AGBL1: variants seen among roughly 807,000 people sequenced by gnomAD.
AGBL1 encodes cytosolic carboxypeptidase 4.
A neutral mutation model predicts 118.9 loss-of-function variants in AGBL1; 130 were observed. That is an observed-to-expected ratio of 1.09 (90% CI 0.95 to 1.26). The LOEUF is 1.26. AGBL1 is among the 50% of genes most tolerant of loss of function. The probability of loss-of-function intolerance (pLI) is 0.00; values close to 1 mark genes in which losing one functional copy is unlikely to be tolerated. For synonymous variants in AGBL1, 555 were observed against 478.9 expected (o/e 1.16, Z -2.08); for missense variants, 1,584 against 1,298.1 (o/e 1.22, Z -3.38).
chr15:86,138,724 CT>C (rs1225128844), intron 1 of AGBL1, among the ~76,000 whole-genome samples: 8 of 151,760 alleles, frequency 5.3e-5, no homozygotes, highest in African/African-American at 1.9e-4. Context: ...TCTTATTTTC[CT>C]TTTCCTTGCT....
chr15:86,445,144 T>A (rs1002596416), intron 18 of AGBL1, among the ~76,000 whole-genome samples: 1 of 152,034 alleles, frequency 6.6e-6, no homozygotes, highest in African/African-American at 2.4e-5. Context: ...CAGACAGGGG[T>A]CAAGAACAAT....
At chr15:86,221,196 C>A (rs77662151) in intron 5 of AGBL1, among the ~76,000 whole-genome samples, 5,070 of 149,500 alleles carry the variant, frequency 0.034, 123 homozygotes, top group South Asian at 0.084. Context: ...AAAACTCCAT[C>A]AAAAAAAAAT....
intron 17 of AGBL1, among the ~76,000 whole-genome samples, chr15:86,393,903 C>G (rs903444909): frequency 6.6e-6 from 1 of 152,010 alleles, no homozygotes; most frequent in Non-Finnish European, 1.5e-5. Context: ...AAGAGGCTTG[C>G]GGGAACTCAG....
chr15:86,523,811 A>T (rs1849062343), intron 19 of AGBL1, among the ~76,000 whole-genome samples: 1 of 152,168 alleles, frequency 6.6e-6, no homozygotes, highest in Non-Finnish European at 1.5e-5. Flanking sequence ...ACTATTTGAA[A>T]CCAGAGGACT....
At chr15:86,733,953 ACTC>A (rs746900837) in intron 22 of AGBL1, among the ~76,000 whole-genome samples, 33 of 151,998 alleles carry the variant, frequency 2.2e-4, no homozygotes, top group Non-Finnish European at 4.6e-4. Flanking sequence ...CTGTAAGTAA[ACTC>A]CTCCTCCCTT....
intron 22 of AGBL1, among the ~76,000 whole-genome samples, chr15:86,862,300 C>T (rs1173266877): frequency 6.6e-6 from 1 of 152,272 alleles, no homozygotes; most frequent in Admixed American, 6.5e-5. Flanking sequence ...AACAAAACTA[C>T]AAGATTAGTA....
intron 21 of AGBL1, among the ~76,000 whole-genome samples, chr15:86,662,818 A>G (rs2085568393): frequency 6.6e-6 from 1 of 152,168 alleles, no homozygotes; most frequent in African/African-American, 2.4e-5. Flanking sequence ...TTACCTAACA[A>G]AAACTACTAG....
intron 6 of AGBL1, among the ~76,000 whole-genome samples, chr15:86,237,882 T>A (rs556758543): frequency 6.6e-6 from 1 of 152,316 alleles, no homozygotes; most frequent in South Asian, 2.1e-4. Flanking sequence ...TTTCCCGTCA[T>A]CTGCTACTAC....
intron 18 of AGBL1, among the ~76,000 whole-genome samples, chr15:86,423,246 G>T (rs2081817053): frequency 6.6e-6 from 1 of 152,210 alleles, no homozygotes; most frequent in South Asian, 2.1e-4. Context: ...CCACGATAAA[G>T]TCACCTTCAT....
intron 17 of AGBL1, 190 bp downstream of exon 17, chr15:86,295,598 A>C (rs2079622759): frequency 4.2e-6 from 2 of 471,476 alleles, no homozygotes; most frequent in Non-Finnish European, 7.1e-6. Flanking sequence ...TTGTTGTTAA[A>C]GGGAGAGAAA....
chr15:86,891,437 C>A (rs759015638), intron 22 of AGBL1, among the ~76,000 whole-genome samples: 1 of 151,980 alleles, frequency 6.6e-6, no homozygotes, highest in African/African-American at 2.4e-5. Flanking sequence ...GACATTGCAC[C>A]ATGTGTCCCA....
intron 5 of AGBL1, among the ~76,000 whole-genome samples, chr15:86,203,422 C>T (rs1206331622): frequency 6.6e-6 from 1 of 152,160 alleles, no homozygotes; most frequent in Admixed American, 6.6e-5. Context: ...GTCATTGTTT[C>T]TGAAACTGGC....
downstream of AGBL1, among the ~76,000 whole-genome samples, chr15:86,919,952 T>C (rs2080468315): frequency 6.6e-6 from 1 of 152,078 alleles, no homozygotes; most frequent in South Asian, 2.1e-4. Context: ...GGCAGGCTCA[T>C]GGGGGAGGGA....
chr15:86,467,916 G>C (rs2082427635), intron 18 of AGBL1, among the ~76,000 whole-genome samples: 1 of 152,086 alleles, frequency 6.6e-6, no homozygotes, highest in South Asian at 2.1e-4. Flanking sequence ...GACTGGAGCT[G>C]TTTCTATTTG....
chr15:86,737,584 A>G (rs551034533), intron 22 of AGBL1, among the ~76,000 whole-genome samples: 1 of 152,248 alleles, frequency 6.6e-6, no homozygotes, highest in Admixed American at 6.5e-5. Context: ...ATTGTGTAGT[A>G]TGAGCTGAGC....
chr15:86,471,444 T>C (rs1281683945), intron 18 of AGBL1, among the ~76,000 whole-genome samples: 1 of 152,190 alleles, frequency 6.6e-6, no homozygotes, highest in East Asian at 1.9e-4. Context: ...AAATTCACTT[T>C]GTTTGTATTT....
intron 22 of AGBL1, among the ~76,000 whole-genome samples, chr15:86,753,867 TCCCA>T (rs2077894363): frequency 6.6e-6 from 1 of 152,130 alleles, no homozygotes; most frequent in African/African-American, 2.4e-5. Flanking sequence ...TCTCCCTCTA[TCCCA>T]GTGTCTTTTC....
intron 24 of AGBL1, among the ~76,000 whole-genome samples, chr15:87,008,275 G>C (rs2081524290): frequency 6.6e-6 from 1 of 152,174 alleles, no homozygotes; most frequent in Non-Finnish European, 1.5e-5. Flanking sequence ...TTGAATCATG[G>C]GGGCAGGTCT....
intron 7 of AGBL1, among the ~76,000 whole-genome samples, chr15:86,253,355 A>T (rs1052920298): frequency 2.6e-5 from 4 of 152,110 alleles, no homozygotes; most frequent in African/African-American, 9.7e-5. Flanking sequence ...AGTTCAAGCG[A>T]TTCTCCTGCC....
Sources: allele counts gnomAD v4.1 joint callset (sites outside exome capture counted in the v4.1 genomes callset), GRCh38; gene constraint gnomAD v4.1.1; transcripts MANE v1.5; gene names NCBI Gene and HGNC (gene_info 2026-07-23, HGNC 2026-07-21).